The following PLXNA4 variants were observed in gnomAD, a reference collection of about 807,000 sequenced individuals.
The protein encoded by PLXNA4 is plexin-A4.
In PLXNA4, 44 loss-of-function variants were observed where a neutral mutation model predicts 191.8. That is an observed-to-expected ratio of 0.23 (90% CI 0.18 to 0.29). The LOEUF is 0.29. PLXNA4 is among the 10% of genes least tolerant of loss of function. The pLI is 1.00. For missense variants in PLXNA4, 1,800 were observed against 2,488.8 expected (o/e 0.72, Z 5.89); for synonymous variants, 1,082 against 1,009.5 (o/e 1.07, Z -1.36).
chr7:132,547,779 G>T (rs570035196), intron 1 of PLXNA4, among the ~76,000 whole-genome samples: 1 of 152,174 alleles, frequency 6.6e-6, no homozygotes, highest in Non-Finnish European at 1.5e-5. Flanking sequence ...GAGGCAACAA[G>T]AGAGTTTGTT....
chr7:132,475,597 T>C (rs990868419), intron 3 of PLXNA4, among the ~76,000 whole-genome samples: 1 of 151,898 alleles, frequency 6.6e-6, no homozygotes, highest in African/African-American at 2.4e-5. Flanking sequence ...AGGTCCCCCT[T>C]CCCCTGACCC....
chr7:132,243,294 T>C (rs992573736), intron 4 of PLXNA4, among the ~76,000 whole-genome samples: 5 of 152,194 alleles, frequency 3.3e-5, no homozygotes, highest in African/African-American at 7.2e-5. Context: ...ATATTTTGCA[T>C]AGGCTTAAAC....
intron 2 of PLXNA4, among the ~76,000 whole-genome samples, chr7:132,606,681 A>G (rs1802929808): frequency 6.6e-6 from 1 of 152,228 alleles, no homozygotes; most frequent in South Asian, 2.1e-4. Context: ...AAACTCACAC[A>G]GAGAGTTAGC....
intron 3 of PLXNA4, among the ~76,000 whole-genome samples, chr7:132,318,717 C>G (rs546942146): frequency 1.3e-5 from 2 of 150,134 alleles, no homozygotes; most frequent in South Asian, 4.3e-4. Flanking sequence ...CTCATCTGTC[C>G]CCTGAAGGGA....
chr7:132,362,480 G>T (rs1803985430), intron 3 of PLXNA4, among the ~76,000 whole-genome samples: 2 of 152,214 alleles, frequency 1.3e-5, no homozygotes, highest in Admixed American at 1.3e-4. Context: ...TGATGCAAAT[G>T]CTAGAAGTGC....
At chr7:132,280,504 G>A (rs1800438983) in intron 4 of PLXNA4, among the ~76,000 whole-genome samples, 1 of 152,186 alleles carries the variant, frequency 6.6e-6, no homozygotes, top group Non-Finnish European at 1.5e-5. Context: ...AGCATTAATG[G>A]CCATAGCCTT....
Position 132,562,985 on chromosome 7 carries a change from T to TCTC in PLXNA4, c.-87+13434_-87+13436dup, listed in dbSNP as rs372238259. Among the ~76,000 whole-genome samples, 64 of 7,586 alleles carry TCTC rather than the reference T, an allele frequency of 8.4e-3. 3 individuals carry two copies. Among genetic ancestry groups the TCTC allele is most frequent in the Non-Finnish European group, 0.013 (46 of 3,672 alleles). The allele number at this position is 7,586 out of a possible 152,430, so 5.0% of individuals were successfully genotyped here. A position where few individuals can be genotyped will look rare whatever the true frequency, so the allele number is the denominator to read the frequency against. ...TCCTCCTCCTCTCCCTCCTCCTCCT[T>TCTC]CTCCTCCTCCTCCTCCTTCTCCTCC... On this transcript the variant is annotated intron_variant, in intron 1 of 31. Transcript: ENST00000321063.
At chr7:132,389,584 G>T (rs1805310370) in intron 3 of PLXNA4, among the ~76,000 whole-genome samples, 1 of 152,182 alleles carries the variant, frequency 6.6e-6, no homozygotes, top group Non-Finnish European at 1.5e-5. Context: ...TTGTAGATGT[G>T]TGGAATTGTT....
At chr7:132,133,389 G>A (rs1165155105) in intron 30 of PLXNA4, among the ~76,000 whole-genome samples, 190 bp from the exon 31 acceptor site, 1 of 152,170 alleles carries the variant, frequency 6.6e-6, no homozygotes, top group Non-Finnish European at 1.5e-5. Flanking sequence ...GAACCAGGAA[G>A]AGCCCTCTGC....
At chr7:132,573,269 G>A (rs1471262082) in intron 1 of PLXNA4, among the ~76,000 whole-genome samples, 2 of 152,152 alleles carry the variant, frequency 1.3e-5, no homozygotes, top group Non-Finnish European at 2.9e-5. Context: ...CGTGTTTTCT[G>A]TATTGCTGCC....
intron 29 of PLXNA4, among the ~76,000 whole-genome samples, chr7:132,143,165 C>T (rs963147301): frequency 1.3e-5 from 2 of 152,104 alleles, no homozygotes; most frequent in Non-Finnish European, 2.9e-5. Context: ...ATCACTTTTC[C>T]ATCAGAGACA....
intron 1 of PLXNA4, among the ~76,000 whole-genome samples, chr7:132,554,754 G>A (rs754378720): frequency 7.2e-5 from 11 of 152,146 alleles, no homozygotes; most frequent in Non-Finnish European, 1.3e-4. Context: ...GAAGACAGCT[G>A]AGATGGGCAG....
At chr7:132,589,719 G>A (rs1802571065) in intron 2 of PLXNA4, among the ~76,000 whole-genome samples, 1 of 152,200 alleles carries the variant, frequency 6.6e-6, no homozygotes, top group African/African-American at 2.4e-5. Flanking sequence ...ATTCTGGATG[G>A]GGGTGAGATG....
chr7:132,364,966 C>T (rs527491267), intron 3 of PLXNA4, among the ~76,000 whole-genome samples: 1 of 152,296 alleles, frequency 6.6e-6, no homozygotes, highest in Non-Finnish European at 1.5e-5. Flanking sequence ...TGTAAGCTCT[C>T]AGGGTTATTG....
intron 1 of PLXNA4, among the ~76,000 whole-genome samples, chr7:132,537,476 G>A (rs1799895367): frequency 6.6e-6 from 1 of 152,200 alleles, no homozygotes; most frequent in South Asian, 2.1e-4. Flanking sequence ...TGCCCTGAAG[G>A]GGCCATTTTC....
At chr7:132,246,059 GAAAT>G (rs1408089506) in intron 4 of PLXNA4, among the ~76,000 whole-genome samples, 1 of 152,194 alleles carries the variant, frequency 6.6e-6, no homozygotes, top group Non-Finnish European at 1.5e-5. Context: ...TGCACACTTA[GAAAT>G]AATTAACACT....
upstream of PLXNA4, among the ~76,000 whole-genome samples, chr7:132,580,083 G>C (rs961060671): frequency 3.9e-5 from 6 of 152,168 alleles, no homozygotes; most frequent in African/African-American, 1.4e-4. Flanking sequence ...TCGCCCCTTA[G>C]AGTTGCAATG....
rs1489794577 is a variant in PLXNA4, at chr7:132,257,823, T to C, written c.1504-16657A>G. The stretch of plus-strand genomic sequence containing the variant: ...GTTTTCCGAGGCGTCTTTCCAGCTA[T>C]GCTGAAGAATCAGTCTGACCTTGCA... On this transcript the variant is annotated intron_variant, in intron 4 of 31. Transcript: ENST00000321063. 3.3e-5 allele frequency among the ~76,000 whole-genome samples: 5 copies of C among 152,232 alleles called. No homozygotes were observed. In the East Asian group the frequency reaches 9.6e-4, roughly 29 times the overall value.
chr7:132,386,345 G>C (rs1276467168), intron 3 of PLXNA4, among the ~76,000 whole-genome samples: 1 of 152,186 alleles, frequency 6.6e-6, no homozygotes, highest in Admixed American at 6.5e-5. Flanking sequence ...TCTGGATCCT[G>C]CCAAATGACC....
Sources: gnomAD v4.1 joint callset for allele counts (sites outside exome capture counted in the v4.1 genomes callset) on GRCh38, gnomAD v4.1.1 for gene constraint, MANE v1.5 for transcripts, NCBI Gene and HGNC (gene_info 2026-07-23, HGNC 2026-07-21) for gene names.